The following HBQ1 variants were observed in gnomAD, a reference collection of about 807,000 sequenced individuals.
The protein encoded by HBQ1 is hemoglobin subunit theta-1.
A neutral mutation model predicts 8.2 loss-of-function variants in HBQ1; 9 were observed. That is an observed-to-expected ratio of 1.10 (90% confidence interval 0.66 to 1.92). The LOEUF (loss-of-function observed/expected upper bound fraction) is 1.92. Ranked by LOEUF, HBQ1 falls within the 40% of genes most tolerant of loss-of-function variation. The pLI is 0.00. For synonymous variants in HBQ1, 102 were observed against 100.0 expected, an observed-to-expected ratio of 1.02 and a Z score of -0.12; for missense variants, 216 against 189.3, an observed-to-expected ratio of 1.14 and a Z score of -0.83.
In HBQ1 at chr16:181,013, C is replaced by T. The variant is rs559899613; in HGVS notation, c.334C>T (p.Arg112Trp). 9 of 1,612,176 alleles carry T rather than the reference C, an allele frequency of 5.6e-6. No individual in the cohort carries two copies. The highest frequency in any genetic ancestry group is 2.2e-5 in the East Asian group (1 of 44,776). ...LGHCLLVTLA[R>W]HYPGDFSPAL... is the part of the protein sequence containing the mutation. ...CCACTGCCTGCTGGTAACCCTCGCC[C>T]GGCACTACCCCGGAGACTTCAGCCC... The change falls in exon 3 of 3, where the codon CGG (arginine) becomes TGG (tryptophan). Residue 112 changes from arginine (R) to tryptophan (W), a missense_variant. Physicochemically the swap from Arg to Trp is moderately radical, Grantham distance 101. Coordinates refer to ENST00000199708, the MANE Select transcript of HBQ1 (RefSeq NM_005331.5).
chr16:180,951 G>A, intron 2 of HBQ1, 29 bp from the exon 3 acceptor site: 4 of 1,562,640 alleles, frequency 2.6e-6, no homozygotes, highest in Non-Finnish European at 2.6e-6. Context: ...GGCGGGTGCA[G>A]GCGAGTGAGC....
In HBQ1 at chr16:180,505, G is replaced by T. The variant is rs1902239330; in HGVS notation, c.19G>T (p.Asp7Tyr). 3.9e-6 allele frequency: 6 copies of T among 1,527,888 alleles called. No homozygotes were observed. The highest frequency in any genetic ancestry group is 5.3e-6 in the Non-Finnish European group (6 of 1,142,062). The allele number at this position is 1,527,888 out of a possible 1,614,324, so 94.6% of individuals were successfully genotyped here. A position where few individuals can be genotyped will look rare whatever the true frequency, so the allele number is the denominator to read the frequency against. The change falls in exon 1 of 3, where the codon GAC becomes TAC. Residue 7 changes from aspartate to tyrosine, a missense_variant. Physicochemically the swap from Asp to Tyr is radical, Grantham distance 160. Transcript: ENST00000199708. ...CGCGGGGATGGCGCTGTCCGCGGAG[G>T]ACCGGGCGCTGGTGCGCGCCCTGTG... The part of the protein sequence containing the change: MALSAE[D>Y]RALVRALWKK...
chr16:180,844 C>G lies in HBQ1; in HGVS notation c.274C>G (p.Leu92Val). The G allele has an allele frequency of 6.5e-7, 1 of 1,542,684 alleles. No homozygotes were observed. The highest frequency in any genetic ancestry group is 8.7e-7 in the Non-Finnish European group (1 of 1,147,936). The change falls in exon 2 of 3, where the codon CTG becomes GTG. Residue 92 changes from leucine to valine, a missense_variant. Transcript: ENST00000199708. ...GCTGAGCCACCTGCACGCGTGCCAG[C>G]TGCGAGTGGACCCGGCCAGCTTCCA... Reference protein sequence around the residue: ...SALSHLHACQLRVDPASFQLL... With the variant: ...SALSHLHACQVRVDPASFQLL...
In HBQ1 at chr16:180,685, G is replaced by A; in HGVS notation, c.115G>A (p.Ala39Thr). 3 of 1,528,792 alleles carry A rather than the reference G, an allele frequency of 2.0e-6. No individual in the cohort carries two copies. The highest frequency in any genetic ancestry group is 2.6e-6 in the Non-Finnish European group (3 of 1,134,092). The allele number at this position is 1,528,792 out of a possible 1,614,324, so 94.7% of individuals were successfully genotyped here. Residue 39 changes from alanine to threonine, a missense_variant, in exon 2 of 3, where the codon GCC (alanine) becomes ACC (threonine). By Grantham distance (58) the Ala-to-Thr change is moderately conservative. Coordinates refer to ENST00000199708, the MANE Select transcript of HBQ1 (RefSeq NM_005331.5). ...TCGCAGGACCTTCCTGGCTTTCCCCGCCACGAAGACCTACTTCTCCCACCT... is the reference window on the plus strand; with the variant it reads ...TCGCAGGACCTTCCTGGCTTTCCCCACCACGAAGACCTACTTCTCCCACCT... ...ALERTFLAFP[A>T]TKTYFSHLDL...
At chr16:180,912 C>G (rs1420806124) in intron 2 of HBQ1, 42 bp downstream of exon 2, 4 of 1,509,720 alleles carry the variant, frequency 2.6e-6, no homozygotes, top group Non-Finnish European at 3.5e-6. Context: ...CGGGAGGGCC[C>G]CGGCGGGGTG....
Position 180,788 on chromosome 16 carries a change from G to T in HBQ1, c.218G>T (p.Arg73Leu). 1.3e-6 allele frequency: 2 copies of T among 1,565,322 alleles called. No individual in the cohort carries two copies. Among genetic ancestry groups the T allele is most frequent in the Non-Finnish European group, 1.7e-6 (2 of 1,158,578 alleles). ...VADALSLAVE[R>L]LDDLPHALSA... ...GACGCGCTGAGCCTCGCCGTGGAGC[G>T]CCTGGACGACCTACCCCACGCGCTG... is the stretch of plus-strand genomic sequence containing the variant. The change falls in exon 2 of 3, where the codon CGC (arginine) becomes CTC (leucine). Residue 73 changes from arginine (R) to leucine (L), a missense_variant. Arg to Leu is a moderately radical substitution (Grantham distance 102). Transcript: ENST00000199708.
At position 181,055 on chromosome 16, in the gene HBQ1, C is replaced by G. The variant is rs779705914; in HGVS notation, c.376C>G (p.Leu126Val). ...CTTCAGCCCCGCGCTGCAGGCGTCG[C>G]TGGACAAGTTCCTGAGCCACGTTAT... ...GDFSPALQAS[L>V]DKFLSHVISA... The change falls in exon 3 of 3, where the codon CTG becomes GTG. Residue 126 changes from leucine (L) to valine (V), a missense_variant. Coordinates refer to ENST00000199708, the MANE Select transcript of HBQ1 (RefSeq NM_005331.5). 6.8e-6 allele frequency: 11 copies of G among 1,613,412 alleles called. No homozygotes were observed. The highest frequency in any genetic ancestry group is 9.3e-6 in the Non-Finnish European group (11 of 1,179,918).
At position 180,903 on chromosome 16, in the gene HBQ1, G is replaced by C. The variant is rs995263397; in HGVS notation, c.300+33G>C. 7 of 1,513,816 alleles carry C rather than the reference G, an allele frequency of 4.6e-6. No homozygotes were observed. In the Admixed American group the frequency reaches 6.2e-5, roughly 13 times the overall value. The allele number at this position is 1,513,816 out of a possible 1,614,324, so 93.8% of individuals were successfully genotyped here. A position where few individuals can be genotyped will look rare whatever the true frequency, so the allele number is the denominator to read the frequency against. Reference sequence around the variant, plus strand: ...GCTGCCGTGCTGGGCCCCTGTCCCCGGGAGGGCCCCGGCGGGGTGGGTGCG... The same window carrying C: ...GCTGCCGTGCTGGGCCCCTGTCCCCCGGAGGGCCCCGGCGGGGTGGGTGCG... On this transcript the variant is annotated intron_variant, in intron 2 of 2. Transcript: ENST00000199708.
Position 180,875 on chromosome 16 carries a change from G to A in HBQ1, c.300+5G>A, listed in dbSNP as rs1453584736. On this transcript the variant is annotated splice_donor_5th_base_variant and intron_variant, in intron 2 of 2. Transcript: ENST00000199708. ...GTGGACCCGGCCAGCTTCCAGGTGA[G>A]CGGCTGCCGTGCTGGGCCCCTGTCC... is the stretch of plus-strand genomic sequence containing the variant. The A allele has an allele frequency of 2.0e-6, 3 of 1,531,294 alleles. No homozygotes were observed. The highest frequency in any genetic ancestry group is 1.2e-5 in the South Asian group (1 of 83,404). The allele number at this position is 1,531,294 out of a possible 1,614,324, so 94.9% of individuals were successfully genotyped here.
In HBQ1 at chr16:180,991, C is replaced by A. The variant is rs2048877979; in HGVS notation, c.312C>A (p.His104Gln). The change falls in exon 3 of 3, where the codon CAC becomes CAA. Residue 104 changes from histidine to glutamine, a missense_variant. Physicochemically the swap from His to Gln is conservative, Grantham distance 24. Transcript: ENST00000199708. ...AGCGCTCGCCGCAGCTCCTGGGCCA[C>A]TGCCTGCTGGTAACCCTCGCCCGGC... is the stretch of plus-strand genomic sequence containing the variant. ...VDPASFQLLG[H>Q]CLLVTLARHY... is the part of the protein sequence containing the mutation. The A allele has an allele frequency of 6.2e-7, 1 of 1,610,344 alleles. No individual in the cohort carries two copies.
chr16:181,107 G>C lies in HBQ1; in HGVS notation c.428G>C (p.Ter143SerextTer18), dbSNP rs1181546778. The C allele has an allele frequency of 1.2e-6, 2 of 1,612,866 alleles. No homozygotes were observed. The highest frequency in any genetic ancestry group is 1.7e-6 in the Non-Finnish European group (2 of 1,179,762). ...VISALVSEYR* is the reference protein window; with the variant it reads ...VISALVSEYRS ...TCGGCGCTGGTTTCCGAGTACCGCT[G>C]AACTGTGGGTGGGTGGCCGCGGGAT... is the stretch of plus-strand genomic sequence containing the variant. Residue 143 changes from the stop codon to serine, a stop_lost, in exon 3 of 3, where the codon TGA (stop) becomes TCA (serine). Transcript: ENST00000199708.
rs946988830 is a variant in HBQ1 at position 180,586 on chromosome 16, G to C, written c.95+5G>C. On this transcript the variant is annotated splice_donor_5th_base_variant and intron_variant, in intron 1 of 2. Transcript: ENST00000199708. Reference sequence around the variant, plus strand: ...CACGACAGAGGCCCTGGAAAGGTGCGGCAGGCTGGGCGCCCCCGCCCCCAG... The same window carrying C: ...CACGACAGAGGCCCTGGAAAGGTGCCGCAGGCTGGGCGCCCCCGCCCCCAG... The C allele has an allele frequency of 3.9e-6, 6 of 1,539,188 alleles. No individual in the cohort carries two copies. The South Asian group carries it at 7.2e-5, about 18-fold the overall frequency.
chr16:180,507 C>T lies in HBQ1; in HGVS notation c.21C>T (p.Asp7=). Residue 7 remains aspartate, a synonymous_variant, in exon 1 of 3, where the codon GAC becomes GAT. Transcript: ENST00000199708. MALSAE[D]RALVRALWKK... ...CGGGGATGGCGCTGTCCGCGGAGGA[C>T]CGGGCGCTGGTGCGCGCCCTGTGGA... The T allele has an allele frequency of 4.6e-6, 7 of 1,530,440 alleles. No individual in the cohort carries two copies. Among genetic ancestry groups the T allele is most frequent in the Non-Finnish European group, 6.1e-6 (7 of 1,143,314 alleles). 94.8% of individuals were successfully genotyped at this position (1,530,440 alleles called of 1,614,324 possible).
chr16:180,526 C>G lies in HBQ1; in HGVS notation c.40C>G (p.Leu14Val), dbSNP rs1205150756. The G allele has an allele frequency of 6.5e-7, 1 of 1,537,100 alleles. No individual in the cohort carries two copies. Among genetic ancestry groups the G allele is most frequent in the African/African-American group, 1.4e-5 (1 of 72,400 alleles). Residue 14 changes from leucine (L) to valine (V), a missense_variant, in exon 1 of 3, where the codon CTG becomes GTG. Physicochemically the swap from Leu to Val is conservative, Grantham distance 32 (BLOSUM62 1). Transcript: ENST00000199708. ...SAEDRALVRA[L>V]WKKLGSNVGV... ...GGAGGACCGGGCGCTGGTGCGCGCC[C>G]TGTGGAAGAAGCTGGGCAGCAACGT...
rs1005364 is a variant in HBQ1 at position 180,482 on chromosome 16, C to A, written c.-5C>A. On this transcript the variant is annotated 5_prime_UTR_variant, in exon 1 of 3. Coordinates refer to ENST00000199708, the MANE Select transcript of HBQ1 (RefSeq NM_005331.5). ...TCGCAGGGCGCGGCGGGTTCCAGCG[C>A]GGGGATGGCGCTGTCCGCGGAGGAC... 1 of 1,490,256 alleles carries A rather than the reference C, an allele frequency of 6.7e-7. No homozygotes were observed. The highest frequency in any genetic ancestry group is 1.3e-5 in the South Asian group (1 of 78,912). The allele number at this position is 1,490,256 out of a possible 1,614,324, so 92.3% of individuals were successfully genotyped here.
intron 2 of HBQ1, 51 bp from the exon 3 acceptor site, chr16:180,929 G>T: frequency 1.3e-6 from 2 of 1,515,154 alleles, no homozygotes; most frequent in East Asian, 2.5e-5. Flanking sequence ...GGTGGGTGCG[G>T]GGGGCGTGCG....
In HBQ1 at chr16:180,559, T is replaced by C. The variant is rs2142023550; in HGVS notation, c.73T>C (p.Tyr25His). The C allele has an allele frequency of 6.5e-7, 1 of 1,541,070 alleles. No homozygotes were observed. Among genetic ancestry groups the C allele is most frequent in the Non-Finnish European group, 8.7e-7 (1 of 1,146,020 alleles). ...GAAGCTGGGCAGCAACGTCGGCGTC[T>C]ACACGACAGAGGCCCTGGAAAGGTG... Reference protein sequence around the residue: ...WKKLGSNVGVYTTEALERTFL... With the variant: ...WKKLGSNVGVHTTEALERTFL... Residue 25 changes from tyrosine to histidine, a missense_variant, in exon 1 of 3, where the codon TAC becomes CAC. Transcript: ENST00000199708.
In HBQ1 at chr16:181,153, G is replaced by A; in HGVS notation, c.*45G>A. On this transcript the variant is annotated 3_prime_UTR_variant, in exon 3 of 3. Coordinates refer to ENST00000199708, the MANE Select transcript of HBQ1 (RefSeq NM_005331.5). Reference sequence around the variant, plus strand: ...GGGATCCCCAGGCGACCTTCCCCGTGTTTGAGTAAAGCCTCTCCCAGGAGC... The same window carrying A: ...GGGATCCCCAGGCGACCTTCCCCGTATTTGAGTAAAGCCTCTCCCAGGAGC... The A allele has an allele frequency of 6.2e-7, 1 of 1,608,274 alleles. No homozygotes were observed. Among genetic ancestry groups the A allele is most frequent in the Admixed American group, 1.7e-5 (1 of 59,820 alleles).
Position 180,863 on chromosome 16 carries a change from G to A in HBQ1, c.293G>A (p.Ser98Asn), listed in dbSNP as rs1050811306. The A allele has an allele frequency of 2.6e-6, 4 of 1,534,314 alleles. No homozygotes were observed. The highest frequency in any genetic ancestry group is 3.5e-6 in the Non-Finnish European group (4 of 1,143,112). The stretch of plus-strand genomic sequence containing the variant: ...TGCCAGCTGCGAGTGGACCCGGCCA[G>A]CTTCCAGGTGAGCGGCTGCCGTGCT... ...HACQLRVDPASFQLLGHCLLV... is the reference protein window; with the variant it reads ...HACQLRVDPANFQLLGHCLLV... The change falls in exon 2 of 3, where the codon AGC becomes AAC. Residue 98 changes from serine (S) to asparagine (N), a missense_variant. Physicochemically the swap from Ser to Asn is conservative, Grantham distance 46. Transcript: ENST00000199708.
Sources: allele counts gnomAD v4.1 joint callset, GRCh38; gene constraint gnomAD v4.1.1; transcripts MANE v1.5; gene names NCBI Gene and HGNC (gene_info 2026-07-23, HGNC 2026-07-21).